Variants in TOE1 observed in about 807,000 individuals in gnomAD.
The protein encoded by TOE1 is target of EGR1 protein 1.
A neutral mutation model predicts 49.2 loss-of-function variants in TOE1; 50 were observed. The observed-to-expected ratio is 1.02, with a 90% confidence interval of 0.81 to 1.29. TOE1 has a LOEUF of 1.29. Among genes scored for constraint, TOE1 ranks in the 50% most tolerant of loss-of-function variants. The probability of loss-of-function intolerance (pLI) is 0.00; values close to 1 mark genes in which losing one functional copy is unlikely to be tolerated. For missense variants in TOE1, 544 were observed against 654.4 expected (o/e 0.83, Z 1.84); for synonymous variants, 221 against 247.0 (o/e 0.89, Z 0.99).
intron 1 of TOE1, chr1:45,340,559 G>C: frequency 7.3e-7 from 1 of 1,377,224 alleles, no homozygotes; most frequent in Non-Finnish European, 9.4e-7. Flanking sequence ...AGTAATAGTT[G>C]TGATTCAGTT....
Position 45,342,112 on chromosome 1 carries a change from GC to G in TOE1, c.492+7del. ...TACCATAAGGGCAATGACAAGGTAG[GC>G]CTCTAGCCTCCCTAGCCTTGAGTCT... On this transcript the variant is annotated splice_donor_region_variant and intron_variant, in intron 5 of 7. Coordinates refer to ENST00000372090, the MANE Select transcript of TOE1 (RefSeq NM_025077.4). 6.2e-7 allele frequency: 1 copy of G among 1,613,466 alleles called. No homozygotes were observed. The highest frequency in any genetic ancestry group is 8.5e-7 in the Non-Finnish European group (1 of 1,179,692).
chr1:45,341,238 G>A, intron 2 of TOE1, 23 bp downstream of exon 2: 1 of 1,614,146 alleles, frequency 6.2e-7, no homozygotes, highest in South Asian at 1.1e-5. Context: ...AAACAAGGAG[G>A]GCAGGTGGTT....
In TOE1 at chr1:45,341,139, A is replaced by G; in HGVS notation, c.119A>G (p.Gln40Arg). Residue 40 changes from glutamine (Q) to arginine (R), a missense_variant, in exon 2 of 8, where the codon CAA (glutamine) becomes CGA (arginine). Physicochemically the swap from Gln to Arg is conservative, Grantham distance 43 (BLOSUM62 1). Coordinates refer to ENST00000372090, the MANE Select transcript of TOE1 (RefSeq NM_025077.4). ...LVVQVPVVDV[Q>R]SNNFKEMWPS... ...GTCCAGGTTCCCGTAGTGGATGTGC[A>G]AAGCAACAACTTCAAGGAGATGTGG... 6.2e-7 allele frequency: 1 copy of G among 1,614,222 alleles called. No homozygotes were observed. The highest frequency in any genetic ancestry group is 8.5e-7 in the Non-Finnish European group (1 of 1,180,044).
Position 45,343,529 on chromosome 1 carries a change from G to A in TOE1, c.1360G>A (p.Val454Met). Reference protein sequence around the residue: ...AFMTGYVMAYVEVSQGPQPCS... With the variant: ...AFMTGYVMAYMEVSQGPQPCS... The stretch of plus-strand genomic sequence containing the variant: ...TATGACAGGTTATGTGATGGCCTAT[G>A]TGGAAGTGAGCCAGGGACCGCAGCC... Residue 454 changes from valine (V) to methionine (M), a missense_variant, in exon 8 of 8, where the codon GTG becomes ATG. Transcript: ENST00000372090. This position sits in a 1 kb window ranked among gnomAD's most constrained non-coding sequence, Gnocchi z 4.3. The A allele has an allele frequency of 6.2e-7, 1 of 1,614,132 alleles. No individual in the cohort carries two copies. Among genetic ancestry groups the A allele is most frequent in the South Asian group, 1.1e-5 (1 of 91,086 alleles).
At position 45,341,231 on chromosome 1, in the gene TOE1, CAAG is replaced by C. The variant is rs757637012; in HGVS notation, c.195+17_195+19del. 1.7e-5 allele frequency: 28 copies of C among 1,614,010 alleles called. No individual in the cohort carries two copies. The highest frequency in any genetic ancestry group is 2.7e-5 in the African/African-American group (2 of 74,908). On this transcript the variant is annotated intron_variant, in intron 2 of 7. Coordinates refer to ENST00000372090, the MANE Select transcript of TOE1 (RefSeq NM_025077.4). ...TGTGGACACGGTGAGAGTTGGGAAA[CAAG>C]GAGGGCAGGTGGTTGTGAAGGGGCT...
chr1:45,341,649 A>G lies in TOE1; in HGVS notation c.333+80A>G, dbSNP rs1189836393. On this transcript the variant is annotated intron_variant, in intron 4 of 7. Coordinates refer to ENST00000372090, the MANE Select transcript of TOE1 (RefSeq NM_025077.4). ...AGATTCTAGGGAACATCAGATAGGA[A>G]GCATTTCTCTCCCAAATCTTTTTTT... is the stretch of plus-strand genomic sequence containing the variant. The G allele has an allele frequency of 1.7e-5, 22 of 1,286,810 alleles. No individual in the cohort carries two copies. In the East Asian group the frequency reaches 5.3e-4, roughly 31 times the overall value. The allele number at this position is 1,286,810 out of a possible 1,614,324, so 79.7% of individuals were successfully genotyped here.
chr1:45,342,252 T>C (rs1040844847), intron 5 of TOE1, 132 bp from the exon 6 acceptor site: 7 of 1,497,216 alleles, frequency 4.7e-6, no homozygotes, highest in Admixed American at 3.7e-5. Context: ...AAGACTGGTA[T>C]GAGGAGGGTG....
rs1288627591 is a variant in TOE1, at chr1:45,341,490, AC to A, written c.255del (p.Tyr85Ter). 6.2e-7 allele frequency: 1 copy of A among 1,613,910 alleles called. No individual in the cohort carries two copies. Among genetic ancestry groups the A allele is most frequent in the Non-Finnish European group, 8.5e-7 (1 of 1,180,034 alleles). Reference protein sequence around the residue: ...SLLNQCIEERYKAVCHAARTR... With the variant: ...SLLNQCIEERXKAVCHAARTR... ...ACCCCAAGGTGCATTGAGGAACGTT[AC>A]AAGGCCGTGTGTCATGCTGCCAGGA... On this transcript the variant is annotated frameshift_variant, in exon 4 of 8. Transcript: ENST00000372090. LOFTEE classifies it high-confidence loss of function.
chr1:45,341,812 C>CACAGT, intron 4 of TOE1, 137 bp from the exon 5 acceptor site: 1 of 939,484 alleles, frequency 1.1e-6, no homozygotes, highest in Non-Finnish European at 1.6e-6. Flanking sequence ...GTGCCCAATG[C>CACAGT]GTAGTCTTTT....
rs769075064 is a variant in TOE1, at chr1:45,343,331, G to T, written c.1162G>T (p.Glu388Ter). ...EETEQEVAAD[E>*]TRNLPHSKQG... ...AACCGAGCAGGAGGTGGCTGCCGAT[G>T]AAACTAGGAACCTGCCTCACTCCAA... Residue 388 changes from glutamate (E) to a stop codon, truncating the protein, a stop_gained, in exon 8 of 8, where the codon GAA becomes TAA. Coordinates refer to ENST00000372090, the MANE Select transcript of TOE1 (RefSeq NM_025077.4). LOFTEE classifies it high-confidence loss of function. This position sits in a 1 kb window ranked among gnomAD's most constrained non-coding sequence, Gnocchi z 4.3. 1 of 1,614,076 alleles carries T rather than the reference G, an allele frequency of 6.2e-7. No individual in the cohort carries two copies. Among genetic ancestry groups the T allele is most frequent in the South Asian group, 1.1e-5 (1 of 91,070 alleles).
At chr1:45,340,446 C>G (rs569860550) in intron 1 of TOE1, 142 bp downstream of exon 1, 2 of 1,494,206 alleles carry the variant, frequency 1.3e-6, no homozygotes, top group Non-Finnish European at 1.8e-6. Flanking sequence ...ACTACAAGTT[C>G]CGTTGTACAC....
In TOE1 at chr1:45,342,513, C is replaced by T. The variant is rs760467874; in HGVS notation, c.622C>T (p.Pro208Ser). 6 of 1,614,168 alleles carry T rather than the reference C, an allele frequency of 3.7e-6. No individual in the cohort carries two copies. In the South Asian group the frequency reaches 6.6e-5, roughly 18 times the overall value. Residue 208 changes from proline to serine, a missense_variant, in exon 6 of 8, where the codon CCT becomes TCT. By Grantham distance (74) the Pro-to-Ser change is moderately conservative (BLOSUM62 -1). Coordinates refer to ENST00000372090, the MANE Select transcript of TOE1 (RefSeq NM_025077.4). ...GTACCAGAACTTCTATGCACACCTC[C>T]CTGAGAGTCTGGGAACCTTCACCGC... The part of the protein sequence containing the change: ...FLYQNFYAHL[P>S]ESLGTFTADL...
chr1:45,340,357 G>A (rs2149250342), intron 1 of TOE1, 53 bp downstream of exon 1: 1 of 1,576,350 alleles, frequency 6.3e-7, no homozygotes, highest in South Asian at 1.2e-5. Flanking sequence ...TGGGAGAGGG[G>A]AAGGCCTCGG....
At chr1:45,340,568 T>C in intron 1 of TOE1, 1 of 1,363,454 alleles carries the variant, frequency 7.3e-7, no homozygotes, top group Non-Finnish European at 9.5e-7. Context: ...TGTGATTCAG[T>C]TCAGTGGAGT....
intron 1 of TOE1, 49 bp downstream of exon 1, chr1:45,340,353 A>G (rs779554903): frequency 6.3e-7 from 1 of 1,584,948 alleles, no homozygotes; most frequent in African/African-American, 1.4e-5. Context: ...GCTCTGGGAG[A>G]GGGGAAGGCC....
In TOE1 at chr1:45,341,968, C is replaced by G. The variant is rs1369807577; in HGVS notation, c.353C>G (p.Ala118Gly). Residue 118 changes from alanine to glycine, a missense_variant, in exon 5 of 8, where the codon GCT becomes GGT. By Grantham distance (60) the Ala-to-Gly change is moderately conservative. Transcript: ENST00000372090. The part of the protein sequence containing the change: ...QPDKGEHSYL[A>G]QVFNLTLLCM... ...TCCCAGGGTGAACATTCCTATCTGGCTCAAGTGTTCAATCTCACTCTGCTG... is the reference window on the plus strand; with the variant it reads ...TCCCAGGGTGAACATTCCTATCTGGGTCAAGTGTTCAATCTCACTCTGCTG... 1.2e-6 allele frequency: 2 copies of G among 1,613,956 alleles called. No individual in the cohort carries two copies. Among genetic ancestry groups the G allele is most frequent in the South Asian group, 2.2e-5 (2 of 91,082 alleles).
chr1:45,341,392 G>T (rs3811432), intron 3 of TOE1, 49 bp downstream of exon 3: 14 of 1,613,838 alleles, frequency 8.7e-6, no homozygotes, highest in Middle Eastern at 1.6e-4. Context: ...ACTGTGGAGT[G>T]GGGGGGTCAC....
rs375993398 is a variant in TOE1, at chr1:45,341,222, G to A, written c.195+7G>A. On this transcript the variant is annotated splice_region_variant and intron_variant, in intron 2 of 7. Coordinates refer to ENST00000372090, the MANE Select transcript of TOE1 (RefSeq NM_025077.4). ...TTTCGTGGCTGTGGACACGGTGAGA[G>A]TTGGGAAACAAGGAGGGCAGGTGGT... 5.6e-6 allele frequency: 9 copies of A among 1,614,084 alleles called. No individual in the cohort carries two copies. The highest frequency in any genetic ancestry group is 6.8e-6 in the Non-Finnish European group (8 of 1,180,032).
rs376066708 is a variant in TOE1 at position 45,340,989 on chromosome 1, C to G, written c.53-84C>G. ...TACCAATGGAAACTACCCCCCTTACCACCATCACCGTGGCCTAGCTTGGTG... is the reference window on the plus strand; with the variant it reads ...TACCAATGGAAACTACCCCCCTTACGACCATCACCGTGGCCTAGCTTGGTG... On this transcript the variant is annotated intron_variant, in intron 1 of 7. Transcript: ENST00000372090. The G allele has an allele frequency of 1.5e-5, 23 of 1,585,326 alleles. No homozygotes were observed. The East Asian group carries it at 1.8e-4, about 12-fold the overall frequency.
Sources: gnomAD v4.1 joint callset for allele counts on GRCh38, gnomAD v4.1.1 for gene constraint, Gnocchi (gnomAD v3.1) non-coding constraint, MANE v1.5 for transcripts, NCBI Gene and HGNC (gene_info 2026-07-23, HGNC 2026-07-21) for gene names.